SPHKAP: variants seen among roughly 807,000 people sequenced by gnomAD.
SPHKAP encodes A-kinase anchor protein SPHKAP.
SPHKAP carries 67 observed loss-of-function variants against 137.5 expected under a neutral mutation model. The observed-to-expected ratio is 0.49, with a 90% confidence interval of 0.40 to 0.60. The LOEUF (loss-of-function observed/expected upper bound fraction) is 0.60, where lower values mean the gene tolerates loss of function less well. Ranked by LOEUF, SPHKAP falls within the 20% of genes least tolerant of loss-of-function variation. The pLI is 0.00. For missense variants in SPHKAP, 2,097 were observed against 2,069.3 expected, an observed-to-expected ratio of 1.01 and a Z score of -0.26; for synonymous variants, 813 against 785.3, an observed-to-expected ratio of 1.04 and a Z score of -0.59.
intron 11 of SPHKAP, chr2:227,982,495 G>A (rs1225479600): frequency 2.1e-5 from 8 of 374,232 alleles, no homozygotes; most frequent in Non-Finnish European, 2.6e-5. Context: ...GAGAAAGTCT[G>A]GACTGCAAGT....
intron 5 of SPHKAP, among the ~76,000 whole-genome samples, chr2:228,023,295 G>A (rs1306633436): frequency 6.6e-6 from 1 of 152,180 alleles, no homozygotes; most frequent in Admixed American, 6.5e-5. Context: ...TTTCAAAGAA[G>A]GTGGTCCATT....
intron 2 of SPHKAP, among the ~76,000 whole-genome samples, chr2:228,122,907 C>G (rs544416506): frequency 6.6e-6 from 1 of 152,258 alleles, no homozygotes; most frequent in East Asian, 1.9e-4. Context: ...TCTCCCAGTG[C>G]CCCCTTCCCA....
At chr2:227,993,267 G>A (rs1559336222) in intron 9 of SPHKAP, among the ~76,000 whole-genome samples, 1 of 152,144 alleles carries the variant, frequency 6.6e-6, no homozygotes, top group Non-Finnish European at 1.5e-5. Flanking sequence ...CTGTTTCTAG[G>A]TAGGTAAAAT....
At chr2:228,097,330 G>A (rs1698017495) in intron 3 of SPHKAP, among the ~76,000 whole-genome samples, 2 of 152,048 alleles carry the variant, frequency 1.3e-5, no homozygotes, top group African/African-American at 2.4e-5. Flanking sequence ...AACACACTTC[G>A]ATTTATTCAT....
chr2:228,083,108 A>C (rs1225758820), intron 3 of SPHKAP, among the ~76,000 whole-genome samples: 1 of 152,240 alleles, frequency 6.6e-6, no homozygotes, highest in East Asian at 1.9e-4. Context: ...GTTTCCTCAA[A>C]GAAAAAATAA....
At chr2:228,047,401 G>T in intron 3 of SPHKAP, among the ~76,000 whole-genome samples, 1 of 151,836 alleles carries the variant, frequency 6.6e-6, no homozygotes, top group East Asian at 1.9e-4. Context: ...GGGAGGCGGA[G>T]GTTGTAGTGA....
At chr2:228,083,448 C>CT in intron 3 of SPHKAP, among the ~76,000 whole-genome samples, 1 of 152,246 alleles carries the variant, frequency 6.6e-6, no homozygotes, top group Non-Finnish European at 1.5e-5. Flanking sequence ...TGTTGATAAG[C>CT]TTTTTTTCTA....
intron 3 of SPHKAP, among the ~76,000 whole-genome samples, chr2:228,105,849 T>C (rs1424541632): frequency 6.6e-6 from 1 of 152,160 alleles, no homozygotes; most frequent in Non-Finnish European, 1.5e-5. Context: ...TGTGAGTTCA[T>C]TAAACCTCTT....
rs748375560 is a variant in SPHKAP, at chr2:228,019,358, G to C, written c.1496C>G (p.Ala499Gly). The C allele has an allele frequency of 6.2e-7, 1 of 1,614,186 alleles. No individual in the cohort carries two copies. Among genetic ancestry groups the C allele is most frequent in the South Asian group, 1.1e-5 (1 of 91,086 alleles). The change falls in exon 7 of 12, where the codon GCG becomes GGG. Residue 499 changes from alanine to glycine, a missense_variant. Transcript: ENST00000392056. ...AATCACAGTGGCTGCACAAGCTAAC[G>C]CCACTTCTAGAGCACTCTGGGGTTG... is the stretch of plus-strand genomic sequence containing the variant. ...SRQPQSALEVALACAATVIGT... is the reference protein window; with the variant it reads ...SRQPQSALEVGLACAATVIGT...
In SPHKAP at chr2:228,018,832, A is replaced by G. The variant is rs1459341331; in HGVS notation, c.2022T>C (p.Val674=). 4.3e-6 allele frequency: 7 copies of G among 1,614,090 alleles called. No individual in the cohort carries two copies. The highest frequency in any genetic ancestry group is 1.6e-4 in the Middle Eastern group (1 of 6,084). Residue 674 remains valine, a synonymous_variant, in exon 7 of 12, where the codon GTT becomes GTC. Transcript: ENST00000392056. ...CTTCATCAATGGAATGCCTCAGGAT[A>G]ACATTGGACAGGGTATGTGCCAGTT... is the stretch of plus-strand genomic sequence containing the variant. The part of the protein sequence containing the change: ...RNELAHTLSN[V]ILRHSIDEVH...
At chr2:228,052,666 C>T (rs1696300900) in intron 3 of SPHKAP, among the ~76,000 whole-genome samples, 1 of 152,166 alleles carries the variant, frequency 6.6e-6, no homozygotes, top group Non-Finnish European at 1.5e-5. Flanking sequence ...CTCCCATCCA[C>T]ACTTTTTAAG....
chr2:227,993,302 T>C (rs1693488800), intron 9 of SPHKAP, among the ~76,000 whole-genome samples: 1 of 152,242 alleles, frequency 6.6e-6, no homozygotes, highest in Non-Finnish European at 1.5e-5. Context: ...ATTATATTGA[T>C]AAGTTTTATC....
chr2:228,046,213 T>C (rs1696044721), intron 3 of SPHKAP, among the ~76,000 whole-genome samples: 1 of 151,586 alleles, frequency 6.6e-6, no homozygotes, highest in African/African-American at 2.4e-5. Flanking sequence ...GTTTGTTCAT[T>C]AAATATTTCA....
intron 2 of SPHKAP, among the ~76,000 whole-genome samples, chr2:228,121,146 G>C (rs1698889617): frequency 6.6e-6 from 1 of 152,182 alleles, no homozygotes; most frequent in Non-Finnish European, 1.5e-5. Context: ...ACTAGACAAA[G>C]GGACAATGAA....
chr2:228,003,548 CTTTA>C (rs948673544), intron 7 of SPHKAP, among the ~76,000 whole-genome samples: 6 of 152,110 alleles, frequency 3.9e-5, no homozygotes, highest in Admixed American at 1.3e-4. Context: ...AATTGAATAC[CTTTA>C]TTTCTTTCCC....
intron 2 of SPHKAP, among the ~76,000 whole-genome samples, chr2:228,126,190 G>T (rs748896974): frequency 2.6e-5 from 4 of 152,132 alleles, no homozygotes; most frequent in Admixed American, 6.6e-5. Flanking sequence ...CTACCCAGCA[G>T]CTCTTTTCCA....
intron 3 of SPHKAP, among the ~76,000 whole-genome samples, chr2:228,091,760 A>AT (rs1697742266): frequency 6.6e-6 from 1 of 151,432 alleles, no homozygotes; most frequent in South Asian, 2.1e-4. Flanking sequence ...ATCAAAAAAT[A>AT]AAAAAAAATA....
At chr2:228,031,775 G>T (rs1559357870) in intron 3 of SPHKAP, among the ~76,000 whole-genome samples, 1 of 152,192 alleles carries the variant, frequency 6.6e-6, no homozygotes, top group Non-Finnish European at 1.5e-5. Flanking sequence ...GACAAACATG[G>T]TCTGGAATGG....
chr2:228,045,632 A>T (rs553334328), intron 3 of SPHKAP, among the ~76,000 whole-genome samples: 1 of 152,096 alleles, frequency 6.6e-6, no homozygotes, highest in East Asian at 1.9e-4. Context: ...TAGCATTAGG[A>T]GATATACCTA....
Sources: allele counts gnomAD v4.1 joint callset (sites outside exome capture counted in the v4.1 genomes callset), GRCh38; gene constraint gnomAD v4.1.1; transcripts MANE v1.5; gene names NCBI Gene and HGNC (gene_info 2026-07-23, HGNC 2026-07-21).